LOC128462377: variants seen among roughly 807,000 people sequenced by gnomAD.
the LOC128462377 span, among the ~76,000 whole-genome samples, chr16:89,333,912 C>G: frequency 6.6e-6 from 1 of 152,174 alleles, no homozygotes; most frequent in Non-Finnish European, 1.5e-5. Context: ...GAGAGATAAA[C>G]TACTTTCTCA....
chr16:89,385,375 C>G, the LOC128462377 span, among the ~76,000 whole-genome samples: 2 of 150,736 alleles, frequency 1.3e-5, no homozygotes, highest in East Asian at 2.0e-4. Context: ...GTGATCCACC[C>G]GCTTCAGCCT....
chr16:89,344,445 C>T, the LOC128462377 span, among the ~76,000 whole-genome samples: 2 of 152,212 alleles, frequency 1.3e-5, no homozygotes, highest in East Asian at 3.9e-4. Flanking sequence ...CTGCTGTCCA[C>T]ACACTCCTAG....
chr16:89,334,144 TAAAAAAAAAAAA>T, the LOC128462377 span, among the ~76,000 whole-genome samples: 45 of 41,416 alleles, frequency 1.1e-3, 1 homozygote, highest in African/African-American at 3.4e-3. Flanking sequence ...CCCTGTGTTT[TAAAAAAAAAAAA>T]AAAAAAAAAA....
chr16:89,369,868 C>T, the LOC128462377 span, among the ~76,000 whole-genome samples: 1 of 152,218 alleles, frequency 6.6e-6, no homozygotes, highest in Non-Finnish European at 1.5e-5. Flanking sequence ...CAAGGGACTG[C>T]TCCCTGTTCT....
At chr16:89,406,333 G>A in the LOC128462377 span, among the ~76,000 whole-genome samples, 11 of 152,202 alleles carry the variant, frequency 7.2e-5, no homozygotes, top group South Asian at 2.1e-4. Context: ...GCCAGGTCAC[G>A]GCGGGCACGG....
At chr16:89,391,257 C>A in the LOC128462377 span, among the ~76,000 whole-genome samples, 2 of 151,270 alleles carry the variant, frequency 1.3e-5, no homozygotes, top group Non-Finnish European at 1.5e-5. Context: ...AATGATTGAA[C>A]CCAAGGAGGG....
At chr16:89,363,531 G>GA in the LOC128462377 span, among the ~76,000 whole-genome samples, 17 of 151,584 alleles carry the variant, frequency 1.1e-4, no homozygotes, top group South Asian at 2.1e-4. Flanking sequence ...TCTCAAGGGG[G>GA]AAAAAAAACC....
the LOC128462377 span, among the ~76,000 whole-genome samples, chr16:89,410,898 G>T: frequency 5.9e-5 from 9 of 152,218 alleles, no homozygotes; most frequent in Non-Finnish European, 1.2e-4. Context: ...TCTACACAGA[G>T]CCTTATGTAC....
the LOC128462377 span, among the ~76,000 whole-genome samples, chr16:89,344,359 T>C: frequency 6.6e-6 from 1 of 152,118 alleles, no homozygotes; most frequent in Non-Finnish European, 1.5e-5. Context: ...CAAAGACACC[T>C]CCTTGCTATG....
chr16:89,407,141 T>C, the LOC128462377 span, among the ~76,000 whole-genome samples: 2 of 151,472 alleles, frequency 1.3e-5, no homozygotes, highest in African/African-American at 4.9e-5. Context: ...AGTTGAGACG[T>C]GCCACTGCAC....
chr16:89,324,695 C>T, the LOC128462377 span: 1 of 347,280 alleles, frequency 2.9e-6, no homozygotes, highest in Non-Finnish European at 5.6e-6. Context: ...ACATCAGACT[C>T]CAAGTGCTTC....
At chr16:89,347,956 C>A in the LOC128462377 span, among the ~76,000 whole-genome samples, 3 of 151,270 alleles carry the variant, frequency 2.0e-5, no homozygotes, top group Non-Finnish European at 4.4e-5. Flanking sequence ...TTTTTTTTGA[C>A]AGCATCTCAT....
At chr16:89,325,983 G>C in the LOC128462377 span, among the ~76,000 whole-genome samples, 2 of 152,192 alleles carry the variant, frequency 1.3e-5, no homozygotes, top group Admixed American at 1.3e-4. Context: ...ACACACTGCA[G>C]GGCACCCACT....
the LOC128462377 span, among the ~76,000 whole-genome samples, chr16:89,356,803 GA>G: frequency 7.0e-6 from 1 of 143,300 alleles, no homozygotes; most frequent in Non-Finnish European, 1.5e-5. Flanking sequence ...AAAGAAAAAA[GA>G]AAAAAAAAGA....
the LOC128462377 span, among the ~76,000 whole-genome samples, chr16:89,328,569 G>A: frequency 1.3e-5 from 2 of 150,602 alleles, no homozygotes. Context: ...CCTGCTGAGT[G>A]AGTGGACACA....
the LOC128462377 span, among the ~76,000 whole-genome samples, chr16:89,347,521 G>C: frequency 5.3e-5 from 8 of 150,718 alleles, no homozygotes; most frequent in Non-Finnish European, 1.5e-5. Context: ...TGAGGCAGGA[G>C]AATGGCGTGA....
the LOC128462377 span, among the ~76,000 whole-genome samples, chr16:89,375,768 T>TAAA: frequency 3.5e-5 from 3 of 84,540 alleles, no homozygotes; most frequent in Admixed American, 1.4e-4. Flanking sequence ...CTCCGTCTCT[T>TAAA]AAAAAAAAAA....
At chr16:89,398,278 G>A in the LOC128462377 span, among the ~76,000 whole-genome samples, 1 of 151,382 alleles carries the variant, frequency 6.6e-6, no homozygotes, top group Admixed American at 6.6e-5. Context: ...AAGATTACCT[G>A]TGACCTCAGC....
At chr16:89,325,049 T>C in the LOC128462377 span, 1 of 156,416 alleles carries the variant, frequency 6.4e-6, no homozygotes, top group African/African-American at 2.4e-5. Flanking sequence ...TCTCTACTCA[T>C]ACTGAACACA....
Sources: gnomAD v4.1 joint callset for allele counts (sites outside exome capture counted in the v4.1 genomes callset) on GRCh38, gnomAD v4.1.1 for gene constraint, MANE v1.5 for transcripts.